The following PUDP variants were observed in gnomAD, a reference collection of about 807,000 sequenced individuals.
PUDP encodes the protein pseudouridine-5'-phosphatase.
In PUDP, 8 loss-of-function variants were observed where a neutral mutation model predicts 9.4. The ratio of observed to expected loss-of-function variants is 0.85; its 90% CI spans 0.50 to 1.53. The LOEUF is 1.53. Ranked by LOEUF, PUDP falls within the 40% of genes most tolerant of loss-of-function variation. PUDP has a pLI of 0.00. For synonymous variants in PUDP, 99 were observed against 80.7 expected, an observed-to-expected ratio of 1.23 and a Z score of -1.22; for missense variants, 188 against 189.7, an observed-to-expected ratio of 0.99 and a Z score of 0.05.
chrX:6,879,880 T>C (rs1217942585), intron 3 of PUDP, among the ~76,000 whole-genome samples: 2 of 110,857 alleles, frequency 1.8e-5, no homozygotes, highest in East Asian at 2.9e-4. Context: ...GGCTAAAGCA[T>C]TGAAGGACAT....
chrX:7,088,834 TGA>T (rs1931341601), intron 2 of PUDP, among the ~76,000 whole-genome samples: 1 of 111,914 alleles, frequency 8.9e-6, no homozygotes, highest in Non-Finnish European at 1.9e-5. Context: ...ATGGAATGCA[TGA>T]GAGTTTCCTT....
chrX:7,025,178 T>A (rs1329743489), intron 1 of PUDP, among the ~76,000 whole-genome samples: 1 of 111,666 alleles, frequency 9.0e-6, no homozygotes, highest in Non-Finnish European at 1.9e-5. Flanking sequence ...TTCTTCCTGC[T>A]TTTTTAAAAA....
At chrX:7,122,656 T>A (rs1236454166) in intron 1 of PUDP, among the ~76,000 whole-genome samples, 1 of 111,805 alleles carries the variant, frequency 8.9e-6, no homozygotes, top group Non-Finnish European at 1.9e-5. Context: ...CAAACAGCTA[T>A]CCCGCGCAAT....
chrX:7,066,689 G>A (rs1301407086), intron 3 of PUDP, among the ~76,000 whole-genome samples: 1 of 111,403 alleles, frequency 9.0e-6, no homozygotes, highest in Admixed American at 9.5e-5. Flanking sequence ...GGGGATTGGG[G>A]ACTCCTGTTT....
chrX:6,899,853 C>A, intron 3 of PUDP, among the ~76,000 whole-genome samples: 1 of 111,046 alleles, frequency 9.0e-6, no homozygotes, highest in East Asian at 2.8e-4. Context: ...TTAAAGTCCC[C>A]AAATATGAAT....
chrX:7,108,187 G>A (rs1446423777), intron 1 of PUDP, among the ~76,000 whole-genome samples: 1 of 112,755 alleles, frequency 8.9e-6, no homozygotes, highest in African/African-American at 3.2e-5. Flanking sequence ...TGCATCTCTT[G>A]ACTGCACCTG....
Position 7,139,765 on chromosome X carries a change from G to C in PUDP, c.61+8288C>G, listed in dbSNP as rs73453896. On this transcript the variant is annotated intron_variant, in intron 1 of 3. Transcript: ENST00000381077. Reference sequence around the variant, plus strand: ...AAATAAGGCACCATCAATCACAAAAGGGCACATCATTCGGCCCAGCTCCCA... The same window carrying C: ...AAATAAGGCACCATCAATCACAAAACGGCACATCATTCGGCCCAGCTCCCA... Among the ~76,000 whole-genome samples the C allele has an allele frequency of 9.3e-3, 1,044 of 112,077 alleles. 15 individuals carry two copies. Among genetic ancestry groups the C allele is most frequent in the African/African-American group, 0.032 (974 of 30,831 alleles).
At chrX:7,014,900 G>A (rs5978754) in intron 1 of PUDP, among the ~76,000 whole-genome samples, 1,582 of 111,582 alleles carry the variant, frequency 0.014, 36 homozygotes, top group African/African-American at 0.049. Flanking sequence ...TTGCAACACT[G>A]CAATAATAAC....
intron 1 of PUDP, among the ~76,000 whole-genome samples, chrX:7,131,160 T>C (rs1389401973): frequency 9.0e-6 from 1 of 111,603 alleles, no homozygotes; most frequent in African/African-American, 3.3e-5. Flanking sequence ...TCCTCTAATT[T>C]CGACTTCAGG....
chrX:6,815,855 C>G (rs1323437819), intron 3 of PUDP, among the ~76,000 whole-genome samples: 1 of 109,512 alleles, frequency 9.1e-6, no homozygotes, highest in Non-Finnish European at 1.9e-5. Context: ...AACTTTTACT[C>G]ATTGTCACTT....
chrX:6,726,372 T>C (rs975657779), upstream of PUDP, among the ~76,000 whole-genome samples: 3 of 111,210 alleles, frequency 2.7e-5, no homozygotes, highest in Admixed American at 9.6e-5. Flanking sequence ...CATTGTAGGG[T>C]GAACCATGAT....
intron 3 of PUDP, among the ~76,000 whole-genome samples, chrX:6,749,883 T>C (rs1022463408): frequency 1.8e-5 from 2 of 112,071 alleles, no homozygotes; most frequent in Admixed American, 1.9e-4. Flanking sequence ...AGTGCGTTAA[T>C]TTTTTCTCCT....
upstream of PUDP, among the ~76,000 whole-genome samples, chrX:6,725,061 G>A (rs770987481): frequency 9.8e-4 from 109 of 111,560 alleles, 1 homozygote; most frequent in South Asian, 1.9e-3. Context: ...CTCTTGGGTC[G>A]AGCACGGTTG....
intron 1 of PUDP, among the ~76,000 whole-genome samples, chrX:6,709,940 T>C (rs757044024): frequency 1.4e-4 from 16 of 111,046 alleles, no homozygotes; most frequent in Non-Finnish European, 1.9e-4. Flanking sequence ...CTGGCCAACA[T>C]AGTGAAACCC....
chrX:6,849,441 T>C (rs893202866), intron 3 of PUDP, among the ~76,000 whole-genome samples: 2 of 111,784 alleles, frequency 1.8e-5, no homozygotes, highest in South Asian at 7.6e-4. Flanking sequence ...GTGGACACTC[T>C]GGATTCTTTA....
At chrX:6,814,784 T>A (rs1241798418) in intron 3 of PUDP, among the ~76,000 whole-genome samples, 1 of 111,946 alleles carries the variant, frequency 8.9e-6, no homozygotes, top group Non-Finnish European at 1.9e-5. Flanking sequence ...TGAAATGTGA[T>A]TATGTTACTC....
At chrX:7,090,818 G>A (rs987697766) in intron 2 of PUDP, among the ~76,000 whole-genome samples, 9 of 111,217 alleles carry the variant, frequency 8.1e-5, no homozygotes, top group African/African-American at 2.3e-4. Context: ...CACTAGCCCC[G>A]ACTTCACCCC....
chrX:6,931,351 T>A (rs1025124466), intron 3 of PUDP, among the ~76,000 whole-genome samples: 3 of 111,772 alleles, frequency 2.7e-5, no homozygotes, highest in Non-Finnish European at 5.6e-5. Context: ...ATTTTTTAAC[T>A]TTTTTATAGA....
At chrX:6,986,066 G>C (rs890097714) in intron 1 of PUDP, among the ~76,000 whole-genome samples, 7 of 111,391 alleles carry the variant, frequency 6.3e-5, no homozygotes, top group Admixed American at 9.5e-5. Flanking sequence ...GTTTATAAAT[G>C]CCATGGCAAC....
Sources: gnomAD v4.1 joint callset for allele counts (sites outside exome capture counted in the v4.1 genomes callset) on GRCh38, gnomAD v4.1.1 for gene constraint, MANE v1.5 for transcripts, NCBI Gene and HGNC (gene_info 2026-07-23, HGNC 2026-07-21) for gene names.